KCNIP4: variants seen among roughly 807,000 people sequenced by gnomAD.
KCNIP4 encodes potassium voltage-gated channel interacting protein 4.
Under a neutral mutation model 34.0 loss-of-function variants are expected in KCNIP4, and 12 were observed. That is an observed-to-expected ratio of 0.35 (90% CI 0.23 to 0.57). KCNIP4 has a LOEUF of 0.57. KCNIP4 is among the 20% of genes least tolerant of loss of function. The probability of loss-of-function intolerance (pLI) is 0.83; values close to 1 mark genes in which losing one functional copy is unlikely to be tolerated. For synonymous variants in KCNIP4, 124 were observed against 102.2 expected (o/e 1.21, Z -1.29); for missense variants, 238 against 311.7 (o/e 0.76, Z 1.78).
chr4:20,780,948 C>G (rs1421631429), intron 3 of KCNIP4, among the ~76,000 whole-genome samples: 1 of 152,144 alleles, frequency 6.6e-6, no homozygotes, highest in Non-Finnish European at 1.5e-5. Flanking sequence ...TTGTTCTTTA[C>G]AGGGTGGCTA....
chr4:21,633,639 C>A (rs1745914888), intron 1 of KCNIP4, among the ~76,000 whole-genome samples: 2 of 152,028 alleles, frequency 1.3e-5, no homozygotes, highest in South Asian at 2.1e-4. Context: ...ATGCAGTAGA[C>A]CAGCATTTAT....
chr4:21,724,818 G>A (rs1715076779), intron 1 of KCNIP4, among the ~76,000 whole-genome samples: 1 of 152,068 alleles, frequency 6.6e-6, no homozygotes, highest in African/African-American at 2.4e-5. Context: ...GAGACAGCTT[G>A]CAGGGCATGC....
chr4:21,120,545 G>A (rs1750068476), intron 1 of KCNIP4, among the ~76,000 whole-genome samples: 1 of 152,182 alleles, frequency 6.6e-6, no homozygotes, highest in African/African-American at 2.4e-5. Flanking sequence ...AATCATGGTG[G>A]AAGGTGAAGG....
intron 1 of KCNIP4, among the ~76,000 whole-genome samples, chr4:21,434,178 G>A (rs1726746955): frequency 6.6e-6 from 1 of 152,124 alleles, no homozygotes; most frequent in South Asian, 2.1e-4. Flanking sequence ...ACGTTTTCAA[G>A]TAGTAAAACA....
intron 1 of KCNIP4, among the ~76,000 whole-genome samples, chr4:21,073,522 T>C (rs948182653): frequency 3.9e-5 from 6 of 152,212 alleles, no homozygotes; most frequent in Admixed American, 2.0e-4. Context: ...CTTATCAGCT[T>C]AAGGAGATTT....
chr4:21,699,303 T>C (rs1447736214), intron 1 of KCNIP4, among the ~76,000 whole-genome samples: 1 of 152,222 alleles, frequency 6.6e-6, no homozygotes, highest in Non-Finnish European at 1.5e-5. Flanking sequence ...CCTATTATGT[T>C]CCAGACATGG....
At chr4:21,001,011 T>G (rs1363944662) in intron 1 of KCNIP4, among the ~76,000 whole-genome samples, 1 of 152,226 alleles carries the variant, frequency 6.6e-6, no homozygotes. Context: ...TTTATTTATC[T>G]TGTTTTTCCC....
At chr4:21,879,522 C>T (rs1346434466) in intron 1 of KCNIP4, among the ~76,000 whole-genome samples, 1 of 152,206 alleles carries the variant, frequency 6.6e-6, no homozygotes, top group African/African-American at 2.4e-5. Context: ...CAAACTTTAA[C>T]TCAATAGATC....
chr4:21,265,661 T>G (rs1761756903), intron 1 of KCNIP4, among the ~76,000 whole-genome samples: 1 of 152,186 alleles, frequency 6.6e-6, no homozygotes, highest in Admixed American at 6.5e-5. Flanking sequence ...GTTATTGACC[T>G]CTGAGGCAAA....
intron 1 of KCNIP4, among the ~76,000 whole-genome samples, chr4:21,870,082 G>C (rs978259248): frequency 1.3e-5 from 2 of 152,118 alleles, no homozygotes; most frequent in Admixed American, 6.5e-5. Flanking sequence ...CATACTAGCT[G>C]TTCCCTTTGT....
intron 1 of KCNIP4, among the ~76,000 whole-genome samples, chr4:21,142,225 G>A (rs1265387403): frequency 6.6e-6 from 1 of 151,694 alleles, no homozygotes; most frequent in African/African-American, 2.4e-5. Context: ...CCTGGGCTGA[G>A]GATCTTAGAA....
chr4:21,046,356 T>G (rs1191042426), intron 1 of KCNIP4, among the ~76,000 whole-genome samples: 1 of 152,220 alleles, frequency 6.6e-6, no homozygotes, highest in African/African-American at 2.4e-5. Flanking sequence ...TCCTTAGTAT[T>G]TTGCTGAAAT....
chr4:21,021,115 A>G (rs1375253546), intron 1 of KCNIP4, among the ~76,000 whole-genome samples: 3 of 152,244 alleles, frequency 2.0e-5, no homozygotes, highest in Admixed American at 2.0e-4. Context: ...AAACCTGTAC[A>G]GCATGTTACT....
chr4:21,557,771 A>G (rs1483527800), intron 1 of KCNIP4, among the ~76,000 whole-genome samples: 1 of 152,092 alleles, frequency 6.6e-6, no homozygotes, highest in East Asian at 1.9e-4. Flanking sequence ...ATGTTTCCCA[A>G]ATGATTTAAA....
At chr4:21,816,487 T>G (rs1453053434) in intron 1 of KCNIP4, among the ~76,000 whole-genome samples, 2 of 152,114 alleles carry the variant, frequency 1.3e-5, no homozygotes, top group African/African-American at 4.8e-5. Flanking sequence ...CAGGAGAACT[T>G]CAAAAGCCAA....
At chr4:21,898,095 C>T (rs945462047) in intron 1 of KCNIP4, among the ~76,000 whole-genome samples, 1 of 151,786 alleles carries the variant, frequency 6.6e-6, no homozygotes, top group African/African-American at 2.4e-5. Flanking sequence ...CAAGCCTTAG[C>T]CAGAGGCAAA....
At chr4:20,840,960 C>T (rs1214596424) in intron 3 of KCNIP4, among the ~76,000 whole-genome samples, 3 of 152,086 alleles carry the variant, frequency 2.0e-5, no homozygotes, top group Admixed American at 6.6e-5. Context: ...TACCAGATGG[C>T]GACTCTTGCA....
chr4:21,869,205 C>T (rs991729118), intron 1 of KCNIP4, among the ~76,000 whole-genome samples: 1 of 152,050 alleles, frequency 6.6e-6, no homozygotes, highest in Non-Finnish European at 1.5e-5. Context: ...ATTTCTACCC[C>T]AATTTTCTCC....
chr4:21,046,231 A>G (rs1182968471), intron 1 of KCNIP4, among the ~76,000 whole-genome samples: 5 of 152,194 alleles, frequency 3.3e-5, no homozygotes, highest in Non-Finnish European at 5.9e-5. Context: ...GAATGAGGAA[A>G]CTCATAGAGG....
Sources: gnomAD v4.1 joint callset for allele counts (sites outside exome capture counted in the v4.1 genomes callset) on GRCh38, gnomAD v4.1.1 for gene constraint, MANE v1.5 for transcripts, NCBI Gene and HGNC (gene_info 2026-07-23, HGNC 2026-07-21) for gene names.